CCSER1: variants seen among roughly 807,000 people sequenced by gnomAD.
CCSER1 encodes the protein coiled-coil serine rich protein 1.
CCSER1 carries 41 observed loss-of-function variants against 82.0 expected under a neutral mutation model. The observed-to-expected ratio is 0.50, with a 90% CI of 0.39 to 0.65. The LOEUF (loss-of-function observed/expected upper bound fraction) is 0.65, where lower values mean the gene tolerates loss of function less well. Among genes scored for constraint, CCSER1 ranks in the 30% least tolerant of loss-of-function variants. The pLI is 0.00. For synonymous variants in CCSER1, 414 were observed against 383.9 expected (o/e 1.08, Z -0.92); for missense variants, 1,119 against 1,064.2 (o/e 1.05, Z -0.72).
chr4:90,486,315 T>C (rs1578741235), intron 5 of CCSER1, among the ~76,000 whole-genome samples: 1 of 152,240 alleles, frequency 6.6e-6, no homozygotes, highest in East Asian at 1.9e-4. Flanking sequence ...ATTATTGTCC[T>C]TAAGTTCCAT....
At chr4:90,815,436 G>T (rs763413754) in intron 7 of CCSER1, among the ~76,000 whole-genome samples, 13 of 151,948 alleles carry the variant, frequency 8.6e-5, no homozygotes, top group Non-Finnish European at 1.6e-4. Flanking sequence ...AATTTAGGAA[G>T]GTTTCCTGGT....
intron 9 of CCSER1, among the ~76,000 whole-genome samples, chr4:91,067,089 G>A (rs1217423295): frequency 2.6e-5 from 4 of 151,898 alleles, no homozygotes; most frequent in Admixed American, 6.6e-5. Context: ...GCGTGAACCC[G>A]GGAGGCGGAG....
intron 7 of CCSER1, among the ~76,000 whole-genome samples, chr4:90,749,949 A>T (rs1298748059): frequency 1.3e-5 from 2 of 151,948 alleles, no homozygotes; most frequent in Admixed American, 6.6e-5. Flanking sequence ...CCTCTCCAGC[A>T]CCTGTTGTTT....
chr4:91,127,023 T>C lies in CCSER1; in HGVS notation c.2217+41029T>C, dbSNP rs139415789. 1.1e-4 allele frequency among the ~76,000 whole-genome samples: 16 copies of C among 152,074 alleles called. No homozygotes were observed. In the East Asian group the frequency reaches 3.1e-3, roughly 29 times the overall value. On this transcript the variant is annotated intron_variant, in intron 10 of 10. Coordinates refer to ENST00000509176, the MANE Select transcript of CCSER1 (RefSeq NM_001145065.2). Reference sequence around the variant, plus strand: ...TATGACAAAGACAATTTATTTTCTGTTGGGAAACAGCTCTTTGTATTTGAC... The same window carrying C: ...TATGACAAAGACAATTTATTTTCTGCTGGGAAACAGCTCTTTGTATTTGAC...
At chr4:90,136,136 T>A (rs1276216199) in intron 1 of CCSER1, among the ~76,000 whole-genome samples, 1 of 152,214 alleles carries the variant, frequency 6.6e-6, no homozygotes, top group Non-Finnish European at 1.5e-5. Context: ...CACAGTAAGT[T>A]TTCTTCTCTA....
chr4:90,442,767 C>A (rs1171568646), intron 4 of CCSER1, among the ~76,000 whole-genome samples: 2 of 152,158 alleles, frequency 1.3e-5, no homozygotes, highest in Non-Finnish European at 2.9e-5. Flanking sequence ...TTTAACATAT[C>A]TTTCCAGAAG....
At chr4:91,481,553 A>T (rs1264472012) in intron 10 of CCSER1, among the ~76,000 whole-genome samples, 1 of 152,218 alleles carries the variant, frequency 6.6e-6, no homozygotes, top group Non-Finnish European at 1.5e-5. Flanking sequence ...AAGCTGCAAC[A>T]TACACATTTT....
intron 10 of CCSER1, among the ~76,000 whole-genome samples, chr4:91,358,451 G>C (rs1045835213): frequency 8.3e-6 from 1 of 120,644 alleles, no homozygotes; most frequent in Non-Finnish European, 1.6e-5. Flanking sequence ...CATACCACAA[G>C]ACAAAGAACA....
rs1172940298 is a variant in CCSER1 at position 91,165,900 on chromosome 4, A to T, written c.2217+79906A>T. The stretch of plus-strand genomic sequence containing the variant: ...CATTGTGCTTCCTGGGAGAGGTGGT[A>T]TCCTGCCCAGCTTTGGCTCACCCTC... On this transcript the variant is annotated intron_variant, in intron 10 of 10. Transcript: ENST00000509176. Among the ~76,000 whole-genome samples the T allele has an allele frequency of 2.0e-5, 3 of 152,160 alleles. No individual in the cohort carries two copies. In the East Asian group the frequency reaches 5.8e-4, roughly 29 times the overall value.
At chr4:91,060,918 T>C (rs1243390509) in intron 9 of CCSER1, among the ~76,000 whole-genome samples, 2 of 152,088 alleles carry the variant, frequency 1.3e-5, no homozygotes, top group African/African-American at 4.8e-5. Context: ...CCAGTTTTCA[T>C]AAAAGGTTTA....
intron 10 of CCSER1, among the ~76,000 whole-genome samples, chr4:91,443,517 A>AG (rs1210598908): frequency 1.3e-5 from 1 of 75,004 alleles, no homozygotes; most frequent in East Asian, 4.2e-4. Context: ...GGGTGGGGGG[A>AG]GGGGGAGGGA....
intron 10 of CCSER1, among the ~76,000 whole-genome samples, chr4:91,422,336 C>G (rs1256867221): frequency 6.6e-6 from 1 of 152,090 alleles, no homozygotes; most frequent in African/African-American, 2.4e-5. Context: ...CAGGCTCAGC[C>G]TAGTCACACC....
chr4:90,308,517 C>T lies in CCSER1; in HGVS notation c.233C>T (p.Pro78Leu). The T allele has an allele frequency of 6.2e-7, 1 of 1,613,918 alleles. No individual in the cohort carries two copies. The highest frequency in any genetic ancestry group is 1.7e-4 in the Middle Eastern group (1 of 6,060). Residue 78 changes from proline (P) to leucine (L), a missense_variant, in exon 2 of 11, where the codon CCT becomes CTT. Coordinates refer to ENST00000509176, the MANE Select transcript of CCSER1 (RefSeq NM_001145065.2). ...ISFHHKKGSE[P>L]KQEPTNQNLS... ...TTCCACCATAAGAAGGGGAGTGAGC[C>T]TAAGCAAGAGCCTACCAACCAGAAC...
At chr4:91,101,830 A>G (rs2148851920) in intron 10 of CCSER1, among the ~76,000 whole-genome samples, 1 of 152,362 alleles carries the variant, frequency 6.6e-6, no homozygotes, top group Non-Finnish European at 1.5e-5. Flanking sequence ...AGAGTGACAA[A>G]AACAAACAGT....
intron 1 of CCSER1, among the ~76,000 whole-genome samples, chr4:90,177,597 G>T (rs1267340622): frequency 1.3e-5 from 2 of 151,814 alleles, no homozygotes; most frequent in Middle Eastern, 3.2e-3. Context: ...GTTTCTTTTT[G>T]CATGAACCTC....
intron 3 of CCSER1, among the ~76,000 whole-genome samples, chr4:90,355,417 T>C (rs937974238): frequency 6.6e-6 from 1 of 152,056 alleles, no homozygotes; most frequent in Admixed American, 6.5e-5. Context: ...TCCTGCTTTA[T>C]GCAATTTATA....
intron 10 of CCSER1, among the ~76,000 whole-genome samples, chr4:91,331,250 C>G (rs965230475): frequency 2.0e-5 from 3 of 152,076 alleles, no homozygotes; most frequent in Non-Finnish European, 4.4e-5. Context: ...TCTTTAATAT[C>G]CTTGTCAGAT....
intron 10 of CCSER1, among the ~76,000 whole-genome samples, chr4:91,322,187 A>C (rs954454331): frequency 6.6e-6 from 1 of 152,096 alleles, no homozygotes; most frequent in Non-Finnish European, 1.5e-5. Context: ...ACAAAGCAAA[A>C]TATACTTCAC....
At chr4:91,434,116 C>T (rs770277925) in intron 10 of CCSER1, among the ~76,000 whole-genome samples, 4 of 151,966 alleles carry the variant, frequency 2.6e-5, no homozygotes, top group Non-Finnish European at 5.9e-5. Context: ...ACAAAATATT[C>T]AGAAGGAATA....
Sources: gnomAD v4.1 joint callset for allele counts (sites outside exome capture counted in the v4.1 genomes callset) on GRCh38, gnomAD v4.1.1 for gene constraint, MANE v1.5 for transcripts, NCBI Gene and HGNC (gene_info 2026-07-23, HGNC 2026-07-21) for gene names.